Variants in KCNIP3 observed in about 807,000 individuals in gnomAD.
The protein encoded by KCNIP3 is potassium voltage-gated channel interacting protein 3, also known as calsenilin.
In KCNIP3, 28 loss-of-function variants were observed where a neutral mutation model predicts 35.0. That is an observed-to-expected ratio of 0.80 (90% CI 0.59 to 1.10). The LOEUF is 1.10. Ranked by LOEUF, KCNIP3 falls within the 50% of genes least tolerant of loss-of-function variation. The pLI is 0.00. For missense variants in KCNIP3, 295 were observed against 338.4 expected, an observed-to-expected ratio of 0.87 and a Z score of 1.01; for synonymous variants, 134 against 133.8, an observed-to-expected ratio of 1.00 and a Z score of -0.01.
In KCNIP3 at chr2:95,354,491, G is replaced by A. The variant is rs544956419; in HGVS notation, c.182-19805G>A. Among the ~76,000 whole-genome samples, 8 of 152,332 alleles carry A rather than the reference G, an allele frequency of 5.3e-5. No homozygotes were observed. In the East Asian group the frequency reaches 1.5e-3, roughly 29 times the overall value. The stretch of plus-strand genomic sequence containing the variant: ...GGCTGGGGCGGAGGCAGGGAGACTG[G>A]GTTGTGGGTCTGGGGACAGCAGAGG... On this transcript the variant is annotated intron_variant, in intron 2 of 8. Transcript: ENST00000295225.
intron 2 of KCNIP3, among the ~76,000 whole-genome samples, chr2:95,367,504 A>G (rs958654879): frequency 2.6e-5 from 4 of 152,216 alleles, no homozygotes; most frequent in Non-Finnish European, 4.4e-5. Flanking sequence ...ATCCATGAAC[A>G]TAGTTATGTT....
intron 7 of KCNIP3, 105 bp from the exon 8 acceptor site, chr2:95,383,111 GCCCACCCGCCCATCCA>G (rs200310184): frequency 0.098 from 58,968 of 603,260 alleles, 4,910 homozygotes; most frequent in African/African-American, 0.23. Context: ...AGTGGAGGGA[GCCCACCCGCCCATCCA>G]CCCACCCGCC....
chr2:95,355,974 C>G (rs1017720762), intron 2 of KCNIP3, among the ~76,000 whole-genome samples: 5 of 152,172 alleles, frequency 3.3e-5, no homozygotes. Flanking sequence ...AGTGTAAAGG[C>G]GTTCCTATTT....
chr2:95,301,802 G>A (rs977901021), intron 1 of KCNIP3, among the ~76,000 whole-genome samples: 2 of 152,254 alleles, frequency 1.3e-5, no homozygotes, highest in South Asian at 2.1e-4. Context: ...AGCAGGGGTG[G>A]ACAGCCCAGC....
chr2:95,318,693 TG>T (rs375181535), intron 2 of KCNIP3, among the ~76,000 whole-genome samples: 119 of 152,272 alleles, frequency 7.8e-4, no homozygotes, highest in African/African-American at 2.6e-3. Flanking sequence ...GTGCCCTGCA[TG>T]GGGGGACCTG....
chr2:95,357,928 G>A (rs775541749), intron 2 of KCNIP3, among the ~76,000 whole-genome samples: 30 of 152,192 alleles, frequency 2.0e-4, no homozygotes, highest in Admixed American at 3.9e-4. Flanking sequence ...CAGGCCGTGC[G>A]CAGTGTCACA....
intron 2 of KCNIP3, among the ~76,000 whole-genome samples, chr2:95,323,934 T>C (rs1678657993): frequency 6.6e-6 from 1 of 152,186 alleles, no homozygotes; most frequent in Admixed American, 6.5e-5. Context: ...AGGGGAGGGC[T>C]GCCAGGGCCA....
chr2:95,348,350 G>T (rs970533526), intron 2 of KCNIP3, among the ~76,000 whole-genome samples: 1 of 152,228 alleles, frequency 6.6e-6, no homozygotes, highest in Non-Finnish European at 1.5e-5. Flanking sequence ...GTGTGGAGGG[G>T]TGAGCGTCCT....
chr2:95,340,875 C>A (rs558244230), intron 2 of KCNIP3, among the ~76,000 whole-genome samples: 38 of 152,344 alleles, frequency 2.5e-4, no homozygotes, highest in African/African-American at 9.1e-4. Context: ...AAGCCACCCT[C>A]TGGCTGGACT....
intron 2 of KCNIP3, among the ~76,000 whole-genome samples, chr2:95,330,493 C>T (rs1678899877): frequency 6.6e-6 from 1 of 152,182 alleles, no homozygotes; most frequent in Non-Finnish European, 1.5e-5. Context: ...CTTGCCTCTC[C>T]CTCGAGGCCC....
At chr2:95,357,291 C>A (rs1237831708) in intron 2 of KCNIP3, among the ~76,000 whole-genome samples, 1 of 152,178 alleles carries the variant, frequency 6.6e-6, no homozygotes, top group Non-Finnish European at 1.5e-5. Context: ...AGTTCCTGGA[C>A]CTTCTGTGGA....
In KCNIP3 at chr2:95,318,558, C is replaced by T. The variant is rs534753005; in HGVS notation, c.181+8038C>T. Among the ~76,000 whole-genome samples the T allele has an allele frequency of 6.0e-4, 91 of 152,254 alleles. No homozygotes were observed. The Middle Eastern group carries it at 0.014, about 23-fold the overall frequency. On this transcript the variant is annotated intron_variant, in intron 2 of 8. Coordinates refer to ENST00000295225, the MANE Select transcript of KCNIP3 (RefSeq NM_013434.5). Reference sequence around the variant, plus strand: ...TTGTGGGCCCAGGCCTGTGGGGAACCGGGAGGTGGGTGATCCACAGCCAGC... The same window carrying T: ...TTGTGGGCCCAGGCCTGTGGGGAACTGGGAGGTGGGTGATCCACAGCCAGC...
intron 2 of KCNIP3, among the ~76,000 whole-genome samples, chr2:95,347,896 A>G (rs1558770319): frequency 2.0e-5 from 3 of 152,280 alleles, no homozygotes; most frequent in Admixed American, 1.3e-4. Context: ...CCGGGCTCCA[A>G]CTCTCAGTAC....
intron 2 of KCNIP3, among the ~76,000 whole-genome samples, chr2:95,353,865 C>T (rs997337359): frequency 3.9e-5 from 6 of 152,182 alleles, no homozygotes; most frequent in African/African-American, 1.2e-4. Context: ...CGTTTGGCAA[C>T]GTCGAGAGAC....
At chr2:95,347,068 C>T in intron 2 of KCNIP3, 3 of 1,612,154 alleles carry the variant, frequency 1.9e-6, no homozygotes, top group Non-Finnish European at 2.5e-6. Context: ...GGTGGTGCTG[C>T]TGTTCATCGC....
At chr2:95,320,574 G>T (rs1264913115) in intron 2 of KCNIP3, among the ~76,000 whole-genome samples, 1 of 151,900 alleles carries the variant, frequency 6.6e-6, no homozygotes, top group Non-Finnish European at 1.5e-5. Context: ...GGGAGGATGG[G>T]ACTTTGAAGA....
At chr2:95,383,446 GC>G in intron 8 of KCNIP3, 152 bp downstream of exon 8, 1 of 765,532 alleles carries the variant, frequency 1.3e-6, no homozygotes, top group Non-Finnish European at 2.2e-6. Flanking sequence ...CTCCTGGACA[GC>G]CCCAAGCTCC....
At chr2:95,322,611 A>G (rs1376290745) in intron 2 of KCNIP3, among the ~76,000 whole-genome samples, 1 of 152,188 alleles carries the variant, frequency 6.6e-6, no homozygotes, top group Non-Finnish European at 1.5e-5. Flanking sequence ...AGGGCTGGTG[A>G]TAGTTGGACT....
At chr2:95,299,375 T>A (rs753070118) in intron 1 of KCNIP3, among the ~76,000 whole-genome samples, 1 of 152,200 alleles carries the variant, frequency 6.6e-6, no homozygotes, top group Admixed American at 6.5e-5. Context: ...CAGCAGGGAC[T>A]GTAGTCAGAG....
Sources: gnomAD v4.1 joint callset for allele counts (sites outside exome capture counted in the v4.1 genomes callset) on GRCh38, gnomAD v4.1.1 for gene constraint, MANE v1.5 for transcripts, NCBI Gene and HGNC (gene_info 2026-07-23, HGNC 2026-07-21) for gene names.